The following NTF3 variants were observed in gnomAD, a reference collection of about 807,000 sequenced individuals.
NTF3 encodes neurotrophin-3.
NTF3 carries 8 observed loss-of-function variants against 26.3 expected under a neutral mutation model. The observed-to-expected ratio is 0.30, with a 90% confidence interval of 0.18 to 0.55. The LOEUF is 0.55. Among genes scored for constraint, NTF3 ranks in the 20% least tolerant of loss-of-function variants. The probability of loss-of-function intolerance (pLI) is 0.93; values close to 1 mark genes in which losing one functional copy is unlikely to be tolerated. For missense variants in NTF3, 276 were observed against 352.9 expected, an observed-to-expected ratio of 0.78 and a Z score of 1.75; for synonymous variants, 154 against 145.5, an observed-to-expected ratio of 1.06 and a Z score of -0.42.
At chr12:5,477,346 CA>C (rs1565394146) in intron 1 of NTF3, among the ~76,000 whole-genome samples, 1 of 152,160 alleles carries the variant, frequency 6.6e-6, no homozygotes, top group Admixed American at 6.5e-5. Context: ...TTCCGAAACC[CA>C]AAAAGCCCTG....
chr12:5,437,298 G>A (rs1454589811), intron 1 of NTF3, among the ~76,000 whole-genome samples: 1 of 152,172 alleles, frequency 6.6e-6, no homozygotes, highest in Non-Finnish European at 1.5e-5. Flanking sequence ...TGCTTTTCTT[G>A]GCGAGATTGG....
intron 1 of NTF3, among the ~76,000 whole-genome samples, chr12:5,482,031 C>G (rs937121857): frequency 6.6e-6 from 1 of 151,770 alleles, no homozygotes; most frequent in African/African-American, 2.4e-5. Context: ...CAGACACACT[C>G]GCAGGCATAC....
At chr12:5,480,508 G>A (rs556025605) in intron 1 of NTF3, among the ~76,000 whole-genome samples, 9 of 152,318 alleles carry the variant, frequency 5.9e-5, no homozygotes, top group Admixed American at 5.9e-4. Flanking sequence ...GGCGGCGGGC[G>A]GGCTGGAGCA....
At position 5,461,570 on chromosome 12, in the gene NTF3, C is replaced by A. The variant is rs867755844; in HGVS notation, c.18+29228C>A. On this transcript the variant is annotated intron_variant, in intron 1 of 1. Coordinates refer to ENST00000423158, the MANE Select transcript of NTF3 (RefSeq NM_001102654.2). ...AGCTGCCTACTTTCTGCCTTTTGAC[C>A]CCCAAGCCAATCCCCATCTCCTTAC... Among the ~76,000 whole-genome samples the A allele has an allele frequency of 2.6e-5, 4 of 152,178 alleles. No individual in the cohort carries two copies. The South Asian group carries it at 6.2e-4, about 24-fold the overall frequency.
intron 1 of NTF3, among the ~76,000 whole-genome samples, chr12:5,442,679 C>T (rs1014937929): frequency 1.2e-4 from 18 of 152,100 alleles, no homozygotes; most frequent in Non-Finnish European, 2.4e-4. Flanking sequence ...GATCCGGACA[C>T]CAGGAGAAAC....
At chr12:5,492,386 A>G (rs1415768848) in intron 1 of NTF3, among the ~76,000 whole-genome samples, 3 of 152,182 alleles carry the variant, frequency 2.0e-5, no homozygotes, top group Non-Finnish European at 4.4e-5. Flanking sequence ...GTCCTAAATG[A>G]TTTTATTGCA....
At chr12:5,451,009 C>T (rs1940365693) in intron 1 of NTF3, among the ~76,000 whole-genome samples, 1 of 152,172 alleles carries the variant, frequency 6.6e-6, no homozygotes, top group African/African-American at 2.4e-5. Context: ...TTTCTGATTC[C>T]AGAGTCCAGA....
At chr12:5,462,181 C>T (rs1940533396) in intron 1 of NTF3, among the ~76,000 whole-genome samples, 1 of 143,746 alleles carries the variant, frequency 7.0e-6, no homozygotes, top group South Asian at 2.3e-4. Flanking sequence ...GCAGACATCA[C>T]TAATCAATCA....
chr12:5,481,518 G>GCA (rs1281896665), intron 1 of NTF3, among the ~76,000 whole-genome samples: 1 of 11,904 alleles, frequency 8.4e-5, no homozygotes, highest in African/African-American at 2.6e-4. Context: ...ACACACACAT[G>GCA]CACACACACA....
chr12:5,436,137 T>C (rs1940165279), intron 1 of NTF3, among the ~76,000 whole-genome samples: 1 of 152,228 alleles, frequency 6.6e-6, no homozygotes, highest in Admixed American at 6.5e-5. Flanking sequence ...GAGTGAAGGC[T>C]GTGCTTTTGT....
At chr12:5,481,888 A>G (rs1033831681) in intron 1 of NTF3, among the ~76,000 whole-genome samples, 2 of 151,832 alleles carry the variant, frequency 1.3e-5, no homozygotes, top group Non-Finnish European at 1.5e-5. Flanking sequence ...ACATGCATAC[A>G]TATACACAAC....
At chr12:5,457,304 ACTT>A (rs1385980883) in intron 1 of NTF3, among the ~76,000 whole-genome samples, 2 of 151,882 alleles carry the variant, frequency 1.3e-5, no homozygotes, top group Admixed American at 1.3e-4. Context: ...TTCACACCTA[ACTT>A]CTTTAGTGAA....
intron 1 of NTF3, among the ~76,000 whole-genome samples, chr12:5,458,510 C>T (rs1005198286): frequency 1.3e-5 from 2 of 152,132 alleles, no homozygotes; most frequent in African/African-American, 4.8e-5. Context: ...CAGTGTCTGG[C>T]TTATAATAAG....
At chr12:5,431,489 C>G (rs1351390318), upstream of NTF3, among the ~76,000 whole-genome samples, 1 of 152,090 alleles carries the variant, frequency 6.6e-6, no homozygotes, top group Non-Finnish European at 1.5e-5. Context: ...GGTGCGGGTC[C>G]CCGGGAGCGG....
intron 1 of NTF3, among the ~76,000 whole-genome samples, chr12:5,447,810 C>T (rs1940324288): frequency 6.6e-6 from 1 of 152,316 alleles, no homozygotes; most frequent in South Asian, 2.1e-4. Flanking sequence ...GTTCCCCAAA[C>T]ATTGTCTCTG....
intron 1 of NTF3, among the ~76,000 whole-genome samples, chr12:5,491,428 A>G (rs1565398137): frequency 6.6e-6 from 1 of 152,220 alleles, no homozygotes; most frequent in African/African-American, 2.4e-5. Flanking sequence ...CAAGTAAGAA[A>G]GAAATGGTCA....
chr12:5,472,746 T>G (rs1016642470), intron 1 of NTF3, among the ~76,000 whole-genome samples: 1 of 152,152 alleles, frequency 6.6e-6, no homozygotes, highest in African/African-American at 2.4e-5. Flanking sequence ...GGGAGGGTGA[T>G]GCTGAGGGAG....
intron 1 of NTF3, among the ~76,000 whole-genome samples, chr12:5,437,499 G>T (rs1940183065): frequency 6.6e-6 from 1 of 152,168 alleles, no homozygotes; most frequent in African/African-American, 2.4e-5. Flanking sequence ...TCTGCTACAA[G>T]CTTCTCCAGA....
At chr12:5,447,643 G>A (rs572377255) in intron 1 of NTF3, among the ~76,000 whole-genome samples, 4 of 152,288 alleles carry the variant, frequency 2.6e-5, no homozygotes, top group South Asian at 2.1e-4. Flanking sequence ...GCATAGGATC[G>A]TGCTTGGCAA....
Sources: gnomAD v4.1 joint callset for allele counts (sites outside exome capture counted in the v4.1 genomes callset) on GRCh38, gnomAD v4.1.1 for gene constraint, MANE v1.5 for transcripts, NCBI Gene and HGNC (gene_info 2026-07-23, HGNC 2026-07-21) for gene names.